POP1: variants seen among roughly 807,000 people sequenced by gnomAD.
POP1 encodes the protein POP1 ribonuclease P/MRP subunit.
Under a neutral mutation model 102.2 loss-of-function variants are expected in POP1, and 75 were observed. The ratio of observed to expected loss-of-function variants is 0.73; its 90% CI spans 0.61 to 0.89. The LOEUF (loss-of-function observed/expected upper bound fraction) is 0.89. Ranked by LOEUF, POP1 falls within the 40% of genes least tolerant of loss-of-function variation. The pLI is 0.00. For synonymous variants in POP1, 436 were observed against 464.1 expected (o/e 0.94, Z 0.78); for missense variants, 1,116 against 1,267.4 (o/e 0.88, Z 1.81).
intron 1 of POP1, 86 bp downstream of exon 1, chr8:98,117,476 C>G: frequency 3.8e-6 from 1 of 261,300 alleles, no homozygotes; most frequent in Non-Finnish European, 7.6e-6. Flanking sequence ...CCCGTCTCCC[C>G]TCTTCATCGT....
At position 98,139,902 on chromosome 8, in the gene POP1, G is replaced by T. The variant is rs28668499; in HGVS notation, c.1363-176G>T. 0.13 allele frequency among the ~76,000 whole-genome samples: 20,091 copies of T among 152,176 alleles called. 1,433 individuals are homozygous for T. The highest frequency in any genetic ancestry group is 0.26 in the Middle Eastern group (77 of 294). On this transcript the variant is annotated intron_variant, in intron 9 of 15. Transcript: ENST00000401707. ...ATCCTTGCTGCTAATTCAAAGGGTAGTTAGTCTGGTATTAATTACTATGTT... is the reference window on the plus strand; with the variant it reads ...ATCCTTGCTGCTAATTCAAAGGGTATTTAGTCTGGTATTAATTACTATGTT...
rs1369502813 is a variant in POP1, at chr8:98,146,692, T to C, written c.1710+9T>C. 5 of 1,561,130 alleles carry C rather than the reference T, an allele frequency of 3.2e-6. No individual in the cohort carries two copies. In the African/African-American group the frequency reaches 4.1e-5, roughly 13 times the overall value. On this transcript the variant is annotated intron_variant, in intron 12 of 15. Transcript: ENST00000401707. ...ATAAAATCTCGGATCAGGTAACTAA[T>C]AGTGTAAGGGTTATTGGTAAAGTCA... is the stretch of plus-strand genomic sequence containing the variant.
intron 11 of POP1, among the ~76,000 whole-genome samples, chr8:98,142,039 T>C (rs1816719653): frequency 1.3e-5 from 2 of 152,136 alleles, no homozygotes; most frequent in Non-Finnish European, 2.9e-5. Flanking sequence ...CCTCTTTCTT[T>C]TCTTTTCTTT....
intron 15 of POP1, 94 bp from the exon 16 acceptor site, chr8:98,157,522 AG>A: frequency 7.1e-7 from 1 of 1,416,862 alleles, no homozygotes; most frequent in Non-Finnish European, 9.9e-7. Flanking sequence ...ATAGTATAAA[AG>A]AATCAAATTA....
intron 11 of POP1, among the ~76,000 whole-genome samples, chr8:98,145,557 G>GCACTTTCTA (rs1443968467): frequency 8.6e-5 from 13 of 152,020 alleles, no homozygotes; most frequent in Non-Finnish European, 1.9e-4. Context: ...TTTCTAGCAC[G>GCACTTTCTA]GTACAGCTTA....
intron 14 of POP1, among the ~76,000 whole-genome samples, chr8:98,151,908 A>G (rs886090866): frequency 6.6e-6 from 1 of 151,828 alleles, no homozygotes; most frequent in African/African-American, 2.4e-5. Context: ...ATGCCTGGCT[A>G]ATTTTTGTAG....
chr8:98,136,507 C>A lies in POP1; in HGVS notation c.1037C>A (p.Ala346Glu). The A allele has an allele frequency of 6.2e-7, 1 of 1,612,432 alleles. No homozygotes were observed. Among genetic ancestry groups the A allele is most frequent in the Non-Finnish European group, 8.5e-7 (1 of 1,179,474 alleles). Residue 346 changes from alanine (A) to glutamate (E), a missense_variant, in exon 8 of 16, where the codon GCG becomes GAG. By Grantham distance (107) the Ala-to-Glu change is moderately radical. Transcript: ENST00000401707. ...KQDILEEIKA[A>E]CQCVEPIKSA... is the part of the protein sequence containing the mutation. The stretch of plus-strand genomic sequence containing the variant: ...GATATCTTAGAGGAAATAAAAGCAG[C>A]GTGCCAGTGTGTGGAACCCATCAAA...
intron 12 of POP1, among the ~76,000 whole-genome samples, chr8:98,147,385 C>G (rs1809383819): frequency 6.6e-6 from 1 of 152,150 alleles, no homozygotes; most frequent in African/African-American, 2.4e-5. Context: ...CAGGCAAAAA[C>G]CAGGAAGACT....
chr8:98,156,131 A>G lies in POP1; in HGVS notation c.2139A>G (p.Gln713=). ...PFCCPWEQLT[Q]DWESRVQAYE... is the part of the protein sequence containing the mutation. ...GCTGTCCCTGGGAGCAGTTAACTCA[A>G]GACTGGGAGTCAAGAGTCCAGGCTT... Residue 713 remains glutamine (Q), a synonymous_variant, in exon 15 of 16, where the codon CAA becomes CAG. Coordinates refer to ENST00000401707, the MANE Select transcript of POP1 (RefSeq NM_001145860.2). 6.2e-7 allele frequency: 1 copy of G among 1,614,090 alleles called. No individual in the cohort carries two copies. Among genetic ancestry groups the G allele is most frequent in the Non-Finnish European group, 8.5e-7 (1 of 1,180,010 alleles).
At chr8:98,144,827 G>A (rs62522191) in intron 11 of POP1, among the ~76,000 whole-genome samples, 19,283 of 152,200 alleles carry the variant, frequency 0.13, 1,326 homozygotes, top group Middle Eastern at 0.26. Flanking sequence ...GGATCTGATG[G>A]TGGTTATCTC....
At chr8:98,127,953 T>C (rs542842911) in intron 3 of POP1, among the ~76,000 whole-genome samples, 191 bp downstream of exon 3, 1 of 152,258 alleles carries the variant, frequency 6.6e-6, no homozygotes, top group South Asian at 2.1e-4. Context: ...CTCTCCCTTC[T>C]TCAGTTTCTC....
chr8:98,127,569 CAT>C, intron 2 of POP1, 24 bp from the exon 3 acceptor site: 4 of 1,613,622 alleles, frequency 2.5e-6, no homozygotes, highest in Non-Finnish European at 1.7e-6. Context: ...ATAAAGGTGA[CAT>C]GTTTCTTTTT....
At chr8:98,151,021 A>G (rs1809500153) in intron 14 of POP1, among the ~76,000 whole-genome samples, 1 of 152,248 alleles carries the variant, frequency 6.6e-6, no homozygotes, top group Admixed American at 6.5e-5. Flanking sequence ...AAATTTAATT[A>G]AACTATGAAA....
chr8:98,150,426 C>G, intron 13 of POP1, 59 bp from the exon 14 acceptor site: 1 of 1,591,320 alleles, frequency 6.3e-7, no homozygotes, highest in Non-Finnish European at 8.6e-7. Flanking sequence ...CCCATATAAA[C>G]ATTAAGCAAT....
chr8:98,130,171 C>T lies in POP1; in HGVS notation c.680C>T (p.Thr227Ile), dbSNP rs1254205290. Residue 227 changes from threonine to isoleucine, a missense_variant, in exon 5 of 16, where the codon ACA becomes ATA. Transcript: ENST00000401707. ...KWGYCLGERP[T>I]VKSHRACYRA... ...GGCTACTGCCTTGGGGAGAGGCCAA[C>T]AGTCAAGAGCCACAGAGCCTGCTAT... The T allele has an allele frequency of 1.9e-6, 3 of 1,614,032 alleles. No homozygotes were observed. The highest frequency in any genetic ancestry group is 1.7e-5 in the Admixed American group (1 of 59,994).
intron 9 of POP1, among the ~76,000 whole-genome samples, chr8:98,139,448 G>A (rs754892750): frequency 3.9e-5 from 6 of 152,164 alleles, no homozygotes; most frequent in South Asian, 2.1e-4. Flanking sequence ...AGGACCAGGC[G>A]TGTGGCTCAC....
Position 98,158,566 on chromosome 8 carries a change from T to C in POP1, c.*295T>C, listed in dbSNP as rs899999482. ...GAAAATAATGAGAAGCTCTACGAGT[T>C]ATCATCCCCTTTTTTTGTTAGAAAC... On this transcript the variant is annotated 3_prime_UTR_variant, in exon 16 of 16. Coordinates refer to ENST00000401707, the MANE Select transcript of POP1 (RefSeq NM_001145860.2). The C allele has an allele frequency of 3.1e-6, 1 of 322,832 alleles. No individual in the cohort carries two copies. The highest frequency in any genetic ancestry group is 5.7e-6 in the Non-Finnish European group (1 of 173,942). 20.0% of individuals were successfully genotyped at this position (322,832 alleles called of 1,614,324 possible).
intron 12 of POP1, 89 bp downstream of exon 12, chr8:98,146,772 C>A: frequency 1.1e-6 from 1 of 933,876 alleles, no homozygotes; most frequent in Non-Finnish European, 1.7e-6. Context: ...ATTCATACTT[C>A]ATAGAATTCC....
Position 98,150,489 on chromosome 8 carries a change from A to C in POP1, c.1907A>C (p.Tyr636Ser). The C allele has an allele frequency of 6.2e-7, 1 of 1,613,968 alleles. No individual in the cohort carries two copies. Among genetic ancestry groups the C allele is most frequent in the South Asian group, 1.1e-5 (1 of 91,086 alleles). The change falls in exon 14 of 16, where the codon TAT becomes TCT. Residue 636 changes from tyrosine to serine, a missense_variant. Tyr to Ser is a moderately radical substitution (Grantham distance 144, BLOSUM62 -2). Transcript: ENST00000401707. ...WGMAFWIPFIYRGVRVGGLKE... is the reference protein window; with the variant it reads ...WGMAFWIPFISRGVRVGGLKE... Reference sequence around the variant, plus strand: ...TCTTTTTGACATTTCTTTTAGATTTATCGAGGTGTGAGAGTCGGAGGGTTG... The same window carrying C: ...TCTTTTTGACATTTCTTTTAGATTTCTCGAGGTGTGAGAGTCGGAGGGTTG...
Sources: allele counts gnomAD v4.1 joint callset (sites outside exome capture counted in the v4.1 genomes callset), GRCh38; gene constraint gnomAD v4.1.1; transcripts MANE v1.5; gene names NCBI Gene and HGNC (gene_info 2026-07-23, HGNC 2026-07-21).